Variants in RPTOR observed in about 807,000 individuals in gnomAD.
RPTOR encodes regulatory-associated protein of mTOR.
In RPTOR, 21 loss-of-function variants were observed where a neutral mutation model predicts 169.9. That is an observed-to-expected ratio of 0.12 (90% CI 0.09 to 0.18). RPTOR has a LOEUF of 0.18. Among genes scored for constraint, RPTOR ranks in the 10% least tolerant of loss-of-function variants. The probability of loss-of-function intolerance (pLI) is 1.00; values close to 1 mark genes in which losing one functional copy is unlikely to be tolerated. For synonymous variants in RPTOR, 732 were observed against 753.2 expected (o/e 0.97, Z 0.46); for missense variants, 1,133 against 1,855.9 (o/e 0.61, Z 7.16).
intron 28 of RPTOR, among the ~76,000 whole-genome samples, chr17:80,953,385 C>T (rs1371061234): frequency 2.6e-5 from 4 of 152,248 alleles, no homozygotes; most frequent in Non-Finnish European, 5.9e-5. Flanking sequence ...GTCCTCCTAC[C>T]TCAGCCTCCT....
intron 21 of RPTOR, 120 bp downstream of exon 21, chr17:80,909,049 T>C (rs989485725): frequency 2.8e-6 from 2 of 713,796 alleles, no homozygotes; most frequent in Non-Finnish European, 5.0e-6. Flanking sequence ...CAAAACGAGC[T>C]TCAGCAAATA....
chr17:80,901,507 A>C (rs1258548121), intron 20 of RPTOR, among the ~76,000 whole-genome samples: 1 of 152,156 alleles, frequency 6.6e-6, no homozygotes, highest in Non-Finnish European at 1.5e-5. Flanking sequence ...CGCCCCTGCA[A>C]AGCCAGCCTC....
At chr17:80,678,806 G>A (rs1488668883) in intron 3 of RPTOR, among the ~76,000 whole-genome samples, 3 of 152,174 alleles carry the variant, frequency 2.0e-5, no homozygotes, top group African/African-American at 7.2e-5. Flanking sequence ...CGATCTTTCC[G>A]GTTCAGTGAC....
chr17:80,958,206 C>CCCCG lies in RPTOR; in HGVS notation c.3477+479_3477+480insGCCC, dbSNP rs1555641355. On this transcript the variant is annotated intron_variant, in intron 29 of 33. Coordinates refer to ENST00000306801, the MANE Select transcript of RPTOR (RefSeq NM_020761.3). ...GTGATCCTCCCACCTCACCCCCCCC[C>CCCCG]CCCACCACCAAGTAGCTGGGACTAC... 6.1e-4 allele frequency among the ~76,000 whole-genome samples: 84 copies of CCCCG among 137,186 alleles called. 1 individual carries two copies. The highest frequency in any genetic ancestry group is 1.2e-3 in the Non-Finnish European group (73 of 63,194). The allele number at this position is 137,186 out of a possible 152,430, so 90.0% of individuals were successfully genotyped here.
intron 3 of RPTOR, among the ~76,000 whole-genome samples, chr17:80,667,783 G>A (rs1033420052): frequency 5.3e-5 from 8 of 152,162 alleles, no homozygotes; most frequent in Admixed American, 3.3e-4. Context: ...AGAGGTGATT[G>A]GAAAGATTTT....
chr17:80,861,164 C>T lies in RPTOR; in HGVS notation c.1509+3264C>T, dbSNP rs140243558. Among the ~76,000 whole-genome samples the T allele has an allele frequency of 4.4e-3, 633 of 145,092 alleles. 108 individuals are homozygous for T. The highest frequency in any genetic ancestry group is 7.2e-3 in the Non-Finnish European group (462 of 64,088). ...AAAACCCTGAGTTTGATCCCATCACCGCATTTGCTCTTACAAGTCATTTTC... is the reference window on the plus strand; with the variant it reads ...AAAACCCTGAGTTTGATCCCATCACTGCATTTGCTCTTACAAGTCATTTTC... On this transcript the variant is annotated intron_variant, in intron 13 of 33. Transcript: ENST00000306801. The surrounding 1 kb of genome is among the most constrained non-coding windows in gnomAD (Gnocchi z 4.5).
At chr17:80,894,444 G>C (rs901075893) in intron 20 of RPTOR, among the ~76,000 whole-genome samples, 36 of 152,228 alleles carry the variant, frequency 2.4e-4, no homozygotes, top group African/African-American at 8.4e-4. Flanking sequence ...CCAGCAGCTT[G>C]ACGCAGCACT....
At chr17:80,547,393 T>C (rs939437363) in intron 1 of RPTOR, among the ~76,000 whole-genome samples, 3 of 152,210 alleles carry the variant, frequency 2.0e-5, no homozygotes, top group Admixed American at 6.5e-5. Flanking sequence ...AAACCTATGT[T>C]CCAACAGTTT....
intron 2 of RPTOR, among the ~76,000 whole-genome samples, chr17:80,630,825 C>G (rs1046060853): frequency 2.0e-4 from 31 of 152,218 alleles, no homozygotes; most frequent in Non-Finnish European, 4.0e-4. Context: ...TGCCCACGTG[C>G]CTCACTGAGT....
chr17:80,723,957 G>C lies in RPTOR; in HGVS notation c.508-6603G>C, dbSNP rs1374912691. On this transcript the variant is annotated intron_variant, in intron 4 of 33. Coordinates refer to ENST00000306801, the MANE Select transcript of RPTOR (RefSeq NM_020761.3). ...TGTGATTAGAGGAGCCTGTCTGTTG[G>C]GGAGACCTCGAAGAAAGAACAAGGC... Among the ~76,000 whole-genome samples, 3 of 151,238 alleles carry C rather than the reference G, an allele frequency of 2.0e-5. 1 individual carries two copies. The highest frequency in any genetic ancestry group is 7.4e-5 in the African/African-American group (3 of 40,552).
chr17:80,943,844 G>A (rs2069065875), intron 25 of RPTOR, among the ~76,000 whole-genome samples: 1 of 106,562 alleles, frequency 9.4e-6, no homozygotes, highest in East Asian at 2.9e-4. Context: ...GCCAGGCGGT[G>A]TCTCTCTGCA....
chr17:80,615,641 AC>A (rs2065304017), intron 1 of RPTOR, among the ~76,000 whole-genome samples: 1 of 152,026 alleles, frequency 6.6e-6, no homozygotes, highest in Non-Finnish European at 1.5e-5. Context: ...ACATGCTGTT[AC>A]CTATTCTCTT....
At chr17:80,795,420 T>C (rs1164741749) in intron 7 of RPTOR, among the ~76,000 whole-genome samples, 1 of 152,100 alleles carries the variant, frequency 6.6e-6, no homozygotes, top group Admixed American at 6.5e-5. Context: ...AACCAGTGCA[T>C]CCCCTCCCTC....
intron 1 of RPTOR, among the ~76,000 whole-genome samples, chr17:80,606,555 C>T (rs1267303172): frequency 6.6e-6 from 1 of 151,992 alleles, no homozygotes; most frequent in Non-Finnish European, 1.5e-5. Flanking sequence ...AGTTTTTTCC[C>T]ACCCTACCTT....
chr17:80,893,899 GC>G, intron 20 of RPTOR, 34 bp downstream of exon 20: 3 of 1,504,736 alleles, frequency 2.0e-6, no homozygotes, highest in Non-Finnish European at 2.7e-6. Flanking sequence ...CTTCCGAGGG[GC>G]CCCGAGGGTC....
chr17:80,560,963 A>G (rs2084479201), intron 1 of RPTOR, among the ~76,000 whole-genome samples: 1 of 152,182 alleles, frequency 6.6e-6, no homozygotes, highest in Non-Finnish European at 1.5e-5. Flanking sequence ...GGGGGGCTGG[A>G]CAGGACAGAT....
At chr17:80,911,017 G>T (rs897446589) in intron 21 of RPTOR, among the ~76,000 whole-genome samples, 1 of 152,020 alleles carries the variant, frequency 6.6e-6, no homozygotes, top group Admixed American at 6.6e-5. Context: ...TTTTAGGAGA[G>T]ACGAGGGGTT....
chr17:80,719,068 A>G (rs183049154), intron 4 of RPTOR, among the ~76,000 whole-genome samples: 2 of 152,234 alleles, frequency 1.3e-5, no homozygotes, highest in Non-Finnish European at 1.5e-5. Flanking sequence ...GCTTGTGGGC[A>G]TTTGTTCTCA....
In RPTOR at chr17:80,961,383, C is replaced by CT. The variant is rs747299798; in HGVS notation, c.3606-10dup. 9 of 1,546,172 alleles carry CT rather than the reference C, an allele frequency of 5.8e-6. No homozygotes were observed. Among genetic ancestry groups the CT allele is most frequent in the Non-Finnish European group, 7.9e-6 (9 of 1,146,384 alleles). On this transcript the variant is annotated splice_polypyrimidine_tract_variant and intron_variant, in intron 30 of 33. Transcript: ENST00000306801. ...GGAAGCCCCACGCTGAGCGTGCCCC[C>CT]TCCCCTACAGCCGCGTCATGACGTA...
Sources: gnomAD v4.1 joint callset for allele counts (sites outside exome capture counted in the v4.1 genomes callset) on GRCh38, gnomAD v4.1.1 for gene constraint, Gnocchi (gnomAD v3.1) non-coding constraint, MANE v1.5 for transcripts, NCBI Gene and HGNC (gene_info 2026-07-23, HGNC 2026-07-21) for gene names.